USP15: variants seen among roughly 807,000 people sequenced by gnomAD.
The protein encoded by USP15 is ubiquitin specific peptidase 15.
USP15 carries 18 observed loss-of-function variants against 127.1 expected under a neutral mutation model. That is an observed-to-expected ratio of 0.14 (90% CI 0.10 to 0.21). The LOEUF (loss-of-function observed/expected upper bound fraction) is 0.21, where lower values mean the gene tolerates loss of function less well. USP15 is among the 10% of genes least tolerant of loss of function. USP15 has a pLI of 1.00. For missense variants in USP15, 805 were observed against 1,159.9 expected, an observed-to-expected ratio of 0.69 and a Z score of 4.44; for synonymous variants, 364 against 393.7, an observed-to-expected ratio of 0.92 and a Z score of 0.89.
At chr12:62,318,337 C>G (rs1245874873) in intron 4 of USP15, among the ~76,000 whole-genome samples, 1 of 152,178 alleles carries the variant, frequency 6.6e-6, no homozygotes, top group Non-Finnish European at 1.5e-5. Flanking sequence ...GTCATAGTCT[C>G]TCATGACCTT....
intron 20 of USP15, 101 bp downstream of exon 20, chr12:62,396,499 ATG>A: frequency 2.0e-6 from 2 of 1,016,222 alleles, no homozygotes; most frequent in Non-Finnish European, 3.0e-6. Context: ...AAAATATCAG[ATG>A]TGTCTTGCAT....
chr12:62,390,775 A>T (rs929757868), intron 14 of USP15, 89 bp from the exon 15 acceptor site: 13 of 875,670 alleles, frequency 1.5e-5, no homozygotes, highest in Non-Finnish European at 2.1e-5. Context: ...ACTGCATTAA[A>T]AAGTTTTGTT....
At chr12:62,273,752 ATC>A (rs1211280870) in intron 1 of USP15, among the ~76,000 whole-genome samples, 2 of 152,028 alleles carry the variant, frequency 1.3e-5, no homozygotes, top group East Asian at 3.9e-4. Context: ...GAAAACATGA[ATC>A]TCTTATAGGC....
chr12:62,404,216 C>A lies in USP15; in HGVS notation c.2787C>A (p.Phe929Leu). ...QIVSKAAYVLFYQRQDTFSGT... is the reference protein window; with the variant it reads ...QIVSKAAYVLLYQRQDTFSGT... ...AGTCCAAAGCAGCATATGTACTCTT[C>A]TACCAGAGACAAGACACTTTCAGTG... The change falls in exon 22 of 22, where the codon TTC becomes TTA. Residue 929 changes from phenylalanine to leucine, a missense_variant. Coordinates refer to ENST00000280377, the MANE Select transcript of USP15 (RefSeq NM_001252078.2). The A allele has an allele frequency of 6.2e-7, 1 of 1,612,852 alleles. No homozygotes were observed. Among genetic ancestry groups the A allele is most frequent in the Non-Finnish European group, 8.5e-7 (1 of 1,179,208 alleles).
intron 8 of USP15, among the ~76,000 whole-genome samples, chr12:62,364,835 T>G (rs1565888903): frequency 6.6e-6 from 1 of 152,156 alleles, no homozygotes; most frequent in Non-Finnish European, 1.5e-5. Flanking sequence ...TGTGATAGTT[T>G]GCTGAGAATG....
chr12:62,354,439 A>G (rs145113635), intron 7 of USP15, among the ~76,000 whole-genome samples: 3 of 152,008 alleles, frequency 2.0e-5, no homozygotes, highest in African/African-American at 7.2e-5. Flanking sequence ...GATTGAAAGC[A>G]TGCTTTTGAA....
intron 20 of USP15, among the ~76,000 whole-genome samples, chr12:62,399,860 T>C (rs1407402646): frequency 6.6e-6 from 1 of 152,188 alleles, no homozygotes; most frequent in Admixed American, 6.5e-5. Flanking sequence ...TGAATTATCT[T>C]CTGACCGCCA....
intron 1 of USP15, among the ~76,000 whole-genome samples, chr12:62,291,079 T>C (rs2063953217): frequency 6.6e-6 from 1 of 152,192 alleles, no homozygotes; most frequent in Admixed American, 6.5e-5. Context: ...GTGAGGCCCT[T>C]CTTGCAATGT....
rs764684073 is a variant in USP15 at position 62,325,945 on chromosome 12, C to T, written c.683+12C>T. Reference sequence around the variant, plus strand: ...CCTTCTACTCCTAAGTAAGTGCTCCCACTTCTTATGGCTTATTGTATGATT... The same window carrying T: ...CCTTCTACTCCTAAGTAAGTGCTCCTACTTCTTATGGCTTATTGTATGATT... On this transcript the variant is annotated intron_variant, in intron 6 of 21. Transcript: ENST00000280377. 1 of 1,605,390 alleles carries T rather than the reference C, an allele frequency of 6.2e-7. No homozygotes were observed. The highest frequency in any genetic ancestry group is 1.1e-5 in the South Asian group (1 of 90,006).
intron 1 of USP15, among the ~76,000 whole-genome samples, chr12:62,265,566 A>C (rs948971276): frequency 3.3e-5 from 5 of 152,200 alleles, no homozygotes; most frequent in Non-Finnish European, 7.3e-5. Flanking sequence ...TTTTTTCTAG[A>C]GACAGAGTCT....
chr12:62,389,022 G>A (rs2067242499), intron 11 of USP15, among the ~76,000 whole-genome samples: 1 of 152,190 alleles, frequency 6.6e-6, no homozygotes, highest in South Asian at 2.1e-4. Context: ...CTACGCAAGA[G>A]GCTGAATTCG....
At chr12:62,376,032 A>G (rs2066818939) in intron 8 of USP15, among the ~76,000 whole-genome samples, 1 of 152,098 alleles carries the variant, frequency 6.6e-6, no homozygotes, top group Admixed American at 6.6e-5. Flanking sequence ...TTACTCATGG[A>G]TCAACTTTTC....
At chr12:62,288,953 T>A (rs1464489171) in intron 1 of USP15, among the ~76,000 whole-genome samples, 6 of 152,200 alleles carry the variant, frequency 3.9e-5, no homozygotes, top group African/African-American at 1.4e-4. Context: ...TTGATCATGG[T>A]GTATTATCTT....
At chr12:62,299,875 G>T (rs2064254519) in intron 2 of USP15, among the ~76,000 whole-genome samples, 1 of 152,128 alleles carries the variant, frequency 6.6e-6, no homozygotes, top group Non-Finnish European at 1.5e-5. Flanking sequence ...GTGTGAAGTG[G>T]TATCTCATTG....
intron 1 of USP15, among the ~76,000 whole-genome samples, chr12:62,264,515 G>A (rs892731363): frequency 2.0e-5 from 3 of 152,128 alleles, no homozygotes; most frequent in African/African-American, 7.2e-5. Context: ...ACTGTAGTAG[G>A]TAACTTTACA....
At chr12:62,297,952 A>G (rs1473150634) in intron 2 of USP15, among the ~76,000 whole-genome samples, 1 of 152,248 alleles carries the variant, frequency 6.6e-6, no homozygotes, top group Non-Finnish European at 1.5e-5. Context: ...CAAAATTAAA[A>G]TATCAACAAG....
At position 62,274,871 on chromosome 12, in the gene USP15, T is replaced by C. The variant is rs919615572; in HGVS notation, c.89+14368T>C. ...GGTTTTAAAATGTTTGGCAGCAGAG[T>C]GGAGGACAGCTTGGAAGCAAGCAAA... On this transcript the variant is annotated intron_variant, in intron 1 of 21. Coordinates refer to ENST00000280377, the MANE Select transcript of USP15 (RefSeq NM_001252078.2). Among the ~76,000 whole-genome samples the C allele has an allele frequency of 4.0e-5, 6 of 151,870 alleles. No individual in the cohort carries two copies. The East Asian group carries it at 1.2e-3, about 29-fold the overall frequency.
intron 19 of USP15, among the ~76,000 whole-genome samples, chr12:62,395,628 C>T (rs1404782043): frequency 6.6e-6 from 1 of 151,724 alleles, no homozygotes; most frequent in East Asian, 1.9e-4. Flanking sequence ...ACCATCCCCA[C>T]CTTACATCTC....
At position 62,414,314 on chromosome 12, in the gene USP15, G is replaced by A. The variant is rs1334420178; in HGVS notation, c.*9939G>A. On this transcript the variant is annotated 3_prime_UTR_variant, in exon 22 of 22. Transcript: ENST00000280377. ...CTTCAAAGCATGATAATAAAGTGAA[G>A]CAGAATAAAACAAGGTATGCCTGGT... is the stretch of plus-strand genomic sequence containing the variant. 6.6e-6 allele frequency: 1 copy of A among 151,238 alleles called. No homozygotes were observed. The highest frequency in any genetic ancestry group is 2.0e-4 in the East Asian group (1 of 5,118). The allele number at this position is 151,238 out of a possible 1,614,324, so 9.4% of individuals were successfully genotyped here. A position where few individuals can be genotyped will look rare whatever the true frequency, so the allele number is the denominator to read the frequency against.
Sources: gnomAD v4.1 joint callset for allele counts (sites outside exome capture counted in the v4.1 genomes callset) on GRCh38, gnomAD v4.1.1 for gene constraint, MANE v1.5 for transcripts, NCBI Gene and HGNC (gene_info 2026-07-23, HGNC 2026-07-21) for gene names.